YWHAZ: variants seen among roughly 807,000 people sequenced by gnomAD.
The protein encoded by YWHAZ is 14-3-3 protein zeta/delta.
For synonymous variants in YWHAZ, 87 were observed against 103.6 expected (o/e 0.84, Z 0.97); for missense variants, 79 against 284.8 (o/e 0.28, Z 5.20).
intron 2 of YWHAZ, among the ~76,000 whole-genome samples, chr8:100,938,285 T>C (rs1814342429): frequency 6.6e-6 from 1 of 152,166 alleles, no homozygotes; most frequent in African/African-American, 2.4e-5. Context: ...ATTAAGAGAC[T>C]ACAAATATTA....
rs201964838 is a variant in YWHAZ at position 100,917,422 on chromosome 8, TAAA to T, written c.*3268_*3270del. 2.1e-5 allele frequency: 3 copies of T among 143,966 alleles called. No homozygotes were observed. Among genetic ancestry groups the T allele is most frequent in the African/African-American group, 7.3e-5 (3 of 41,058 alleles). 8.9% of individuals were successfully genotyped at this position (143,966 alleles called of 1,614,324 possible). A position where few individuals can be genotyped will look rare whatever the true frequency, so the allele number is the denominator to read the frequency against. On this transcript the variant is annotated 3_prime_UTR_variant, in exon 6 of 6. Transcript: ENST00000395958. ...AAGGACAACTCTTAAGTGGCCAATT[TAAA>T]AAAAACATACCAGGGTGGGCACAGT...
chr8:100,918,426 ATATATATATATATATAT>A lies in YWHAZ; in HGVS notation c.*2250_*2266del, dbSNP rs1343248344. 6 of 91,514 alleles carry A rather than the reference ATATATATATATATATAT, an allele frequency of 6.6e-5. 1 individual carries two copies. The highest frequency in any genetic ancestry group is 7.5e-4 in the South Asian group (2 of 2,684). 5.7% of individuals were successfully genotyped at this position (91,514 alleles called of 1,614,324 possible). On this transcript the variant is annotated 3_prime_UTR_variant, in exon 6 of 6. Coordinates refer to ENST00000395958, the MANE Select transcript of YWHAZ (RefSeq NM_145690.3). ...AATTACTTTATATATATATATATAT[ATATATATATATATATAT>A]AATTATTTTACCTCCTTGGCTTGGG...
chr8:100,945,374 C>T (rs1014632737), intron 2 of YWHAZ, among the ~76,000 whole-genome samples: 1 of 152,126 alleles, frequency 6.6e-6, no homozygotes, highest in African/African-American at 2.4e-5. Context: ...AGATTAGCTG[C>T]TTTTTGTAGG....
At chr8:100,953,063 A>G (rs1258002666), upstream of YWHAZ, 3 of 997,590 alleles carry the variant, frequency 3.0e-6, no homozygotes, top group East Asian at 3.4e-4. Context: ...GAGGCCTGGA[A>G]GGAGGCGCGG....
At chr8:100,926,198 ATTT>A (rs55947914) in intron 2 of YWHAZ, among the ~76,000 whole-genome samples, 39 of 142,018 alleles carry the variant, frequency 2.7e-4, no homozygotes, top group Non-Finnish European at 2.9e-4. Context: ...TCTTCCCCCA[ATTT>A]TTTTTTTTTT....
intron 2 of YWHAZ, 21 bp from the exon 3 acceptor site, chr8:100,925,060 A>T: frequency 6.3e-7 from 1 of 1,597,092 alleles, no homozygotes; most frequent in Non-Finnish European, 8.5e-7. Context: ...AAAGAAACAG[A>T]CATAGTGAGA....
At chr8:100,935,167 GT>G (rs1202029670) in intron 2 of YWHAZ, 1 of 152,002 alleles carries the variant, frequency 6.6e-6, no homozygotes, top group African/African-American at 2.4e-5. Context: ...AACAATTATG[GT>G]TTTGCACCTT....
rs1363748290 is a variant in YWHAZ, at chr8:100,919,445, C to T, written c.*1248G>A. On this transcript the variant is annotated 3_prime_UTR_variant, in exon 6 of 6. Coordinates refer to ENST00000395958, the MANE Select transcript of YWHAZ (RefSeq NM_145690.3). ...CACTACATTTTTTTCTAATCAATCC[C>T]CCCCTCTCCCAGAAAAAATAGGAAC... is the stretch of plus-strand genomic sequence containing the variant. The T allele has an allele frequency of 2.0e-5, 3 of 152,416 alleles. No homozygotes were observed. The highest frequency in any genetic ancestry group is 4.4e-5 in the Non-Finnish European group (3 of 68,012). The allele number at this position is 152,416 out of a possible 1,614,324, so 9.4% of individuals were successfully genotyped here.
chr8:100,925,139 C>T lies in YWHAZ; in HGVS notation c.295-100G>A, dbSNP rs969764457. 63 of 1,284,518 alleles carry T rather than the reference C, an allele frequency of 4.9e-5. 2 individuals carry two copies. The highest frequency in any genetic ancestry group is 6.5e-5 in the Non-Finnish European group (62 of 948,074). The allele number at this position is 1,284,518 out of a possible 1,614,324, so 79.6% of individuals were successfully genotyped here. A position where few individuals can be genotyped will look rare whatever the true frequency, so the allele number is the denominator to read the frequency against. On this transcript the variant is annotated intron_variant, in intron 2 of 5. Transcript: ENST00000395958. ...ACAAACTATAGCCTAAGTTATAAAA[C>T]TTAAACACCCAGTCACTGTCAATAC...
chr8:100,949,254 G>A (rs1810527223), intron 1 of YWHAZ, among the ~76,000 whole-genome samples: 2 of 152,092 alleles, frequency 1.3e-5, no homozygotes, highest in East Asian at 1.9e-4. Context: ...ATACCACTAA[G>A]TGATCCAAAA....
At chr8:100,934,826 C>G (rs1354064963) in intron 2 of YWHAZ, 1 of 152,064 alleles carries the variant, frequency 6.6e-6, no homozygotes, top group African/African-American at 2.4e-5. Flanking sequence ...ACATAAATTC[C>G]CAGGATACAC....
chr8:100,937,847 T>C (rs1364867466), intron 2 of YWHAZ, among the ~76,000 whole-genome samples: 1 of 152,132 alleles, frequency 6.6e-6, no homozygotes, highest in African/African-American at 2.4e-5. Context: ...GAAACAAAAA[T>C]CGGCCGGGTG....
At chr8:100,946,690 C>T (rs556476590) in intron 2 of YWHAZ, among the ~76,000 whole-genome samples, 1 of 151,922 alleles carries the variant, frequency 6.6e-6, no homozygotes, top group South Asian at 2.1e-4. Flanking sequence ...TGCAAATAAG[C>T]GTGTTAGTAA....
rs1454159312 is a variant in YWHAZ, at chr8:100,919,273, A to C, written c.*1420T>G. The C allele has an allele frequency of 6.5e-6, 1 of 152,702 alleles. No individual in the cohort carries two copies. The highest frequency in any genetic ancestry group is 2.4e-5 in the African/African-American group (1 of 41,472). The allele number at this position is 152,702 out of a possible 1,614,324, so 9.5% of individuals were successfully genotyped here. A position where few individuals can be genotyped will look rare whatever the true frequency, so the allele number is the denominator to read the frequency against. Reference sequence around the variant, plus strand: ...AAAGGATCAAAATTGAAGGCAGGCTATAAGAGTATCAAGAAATTCTTAAAA... The same window carrying C: ...AAAGGATCAAAATTGAAGGCAGGCTCTAAGAGTATCAAGAAATTCTTAAAA... On this transcript the variant is annotated 3_prime_UTR_variant, in exon 6 of 6. Coordinates refer to ENST00000395958, the MANE Select transcript of YWHAZ (RefSeq NM_145690.3).
Position 100,920,799 on chromosome 8 carries a change from G to C in YWHAZ, c.679-47C>G, listed in dbSNP as rs773902328. The C allele has an allele frequency of 4.3e-5, 44 of 1,014,398 alleles. 5 individuals carry two copies. The highest frequency in any genetic ancestry group is 1.3e-4 in the African/African-American group (8 of 60,132). The allele number at this position is 1,014,398 out of a possible 1,614,324, so 62.8% of individuals were successfully genotyped here. On this transcript the variant is annotated intron_variant, in intron 5 of 5. Transcript: ENST00000395958. ...TTTCAGCAAGTTTCAGTGGGATGGG[G>C]GGGGGGGGGCGTTTTCATATAAGTG...
rs1274456269 is a variant in YWHAZ at position 100,917,188 on chromosome 8, A to G, written c.*3505T>C. The G allele has an allele frequency of 6.6e-6, 1 of 152,236 alleles. No individual in the cohort carries two copies. Among genetic ancestry groups the G allele is most frequent in the Non-Finnish European group, 1.5e-5 (1 of 68,036 alleles). 9.4% of individuals were successfully genotyped at this position (152,236 alleles called of 1,614,324 possible). On this transcript the variant is annotated 3_prime_UTR_variant, in exon 6 of 6. Transcript: ENST00000395958. ...CTCATTTTAAAATATGCATTGAGCCATGACAAGACTGGTGACTCTTTTGCA... is the reference window on the plus strand; with the variant it reads ...CTCATTTTAAAATATGCATTGAGCCGTGACAAGACTGGTGACTCTTTTGCA...
Position 100,948,266 on chromosome 8 carries a change from A to T in YWHAZ, c.294+330T>A. On this transcript the variant is annotated intron_variant, in intron 2 of 5. Transcript: ENST00000395958. The surrounding 1 kb of genome is among the most constrained non-coding windows in gnomAD (Gnocchi z 4.2). ...TTATCCACAGATGTACATTTAAGAT[A>T]ACCAGCTATAGAGCTACTACAAATA... The T allele has an allele frequency of 1.2e-6, 1 of 822,312 alleles. No individual in the cohort carries two copies. Among genetic ancestry groups the T allele is most frequent in the Non-Finnish European group, 1.8e-6 (1 of 551,318 alleles). 50.9% of individuals were successfully genotyped at this position (822,312 alleles called of 1,614,324 possible). A position where few individuals can be genotyped will look rare whatever the true frequency, so the allele number is the denominator to read the frequency against.
chr8:100,939,647 G>A (rs1014662963), intron 2 of YWHAZ, among the ~76,000 whole-genome samples: 5 of 150,100 alleles, frequency 3.3e-5, no homozygotes, highest in Non-Finnish European at 5.9e-5. Context: ...CAACAAGAGT[G>A]AAACTCCATC....
Position 100,937,285 on chromosome 8 carries a change from C to CT in YWHAZ, c.294+11310dup, listed in dbSNP as rs574435172. 1.0e-2 allele frequency among the ~76,000 whole-genome samples: 1,425 copies of CT among 142,630 alleles called. 20 individuals are homozygous for CT. The highest frequency in any genetic ancestry group is 0.031 in the African/African-American group (1,218 of 38,936). The allele number at this position is 142,630 out of a possible 152,430, so 93.6% of individuals were successfully genotyped here. A position where few individuals can be genotyped will look rare whatever the true frequency, so the allele number is the denominator to read the frequency against. ...TACCCTTTTTCATACCCTTTATATGCTTTTTTTTTTTCAAATTTCCTTATG... is the reference window on the plus strand; with the variant it reads ...TACCCTTTTTCATACCCTTTATATGCTTTTTTTTTTTTCAAATTTCCTTATG... On this transcript the variant is annotated intron_variant, in intron 2 of 5. Coordinates refer to ENST00000395958, the MANE Select transcript of YWHAZ (RefSeq NM_145690.3).
Sources: allele counts gnomAD v4.1 joint callset (sites outside exome capture counted in the v4.1 genomes callset), GRCh38; gene constraint gnomAD v4.1.1; non-coding constraint Gnocchi (gnomAD v3.1); transcripts MANE v1.5; gene names NCBI Gene and HGNC (gene_info 2026-07-23, HGNC 2026-07-21).